Variants in USP16 observed in about 807,000 individuals in gnomAD.
USP16 encodes the protein ubiquitin carboxyl-terminal hydrolase 16.
Under a neutral mutation model 95.9 loss-of-function variants are expected in USP16, and 77 were observed. That is an observed-to-expected ratio of 0.80 (90% CI 0.67 to 0.97). The LOEUF is 0.97. USP16 is among the 50% of genes least tolerant of loss of function. USP16 has a pLI of 0.00. For synonymous variants in USP16, 303 were observed against 318.2 expected (o/e 0.95, Z 0.51); for missense variants, 943 against 959.9 (o/e 0.98, Z 0.23).
chr21:29,024,945 A>G, intron 1 of USP16, 168 bp downstream of exon 1: 1 of 694,904 alleles, frequency 1.4e-6, no homozygotes, highest in Middle Eastern at 6.3e-4. Flanking sequence ...ATGTTCTGTC[A>G]GTTCCAGAAG....
chr21:29,048,807 T>G lies in USP16; in HGVS notation c.2058T>G (p.Ile686Met), dbSNP rs182754050. 2 of 1,613,918 alleles carry G rather than the reference T, an allele frequency of 1.2e-6. No individual in the cohort carries two copies. Among genetic ancestry groups the G allele is most frequent in the East Asian group, 4.5e-5 (2 of 44,832 alleles). ...CCAATGCCAAAAAGCAGATGCTAAT[T>G]TCTCTTGCTCCTCCTGTTCTTACTC... ...VYTNAKKQML[I>M]SLAPPVLTLH... Residue 686 changes from isoleucine (I) to methionine (M), a missense_variant, in exon 15 of 18, where the codon ATT becomes ATG. Transcript: ENST00000399976.
Position 29,039,116 on chromosome 21 carries a change from G to A in USP16, c.823G>A (p.Val275Ile). 6.3e-7 allele frequency: 1 copy of A among 1,583,208 alleles called. No individual in the cohort carries two copies. Among genetic ancestry groups the A allele is most frequent in the East Asian group, 2.3e-5 (1 of 43,292 alleles). ...TGAGATGCAAGAGACCAAAAAGGGG[G>A]TTGTGACACCGAAAGAACTCTTTTC... ...LNEMQETKKG[V>I]VTPKELFSQV... The change falls in exon 8 of 18, where the codon GTT (valine) becomes ATT (isoleucine). Residue 275 changes from valine (V) to isoleucine (I), a missense_variant. Coordinates refer to ENST00000399976, the MANE Select transcript of USP16 (RefSeq NM_006447.3).
chr21:29,046,682 C>A lies in USP16; in HGVS notation c.1372C>A (p.Gln458Lys). The change falls in exon 14 of 18, where the codon CAA becomes AAA. Residue 458 changes from glutamine to lysine, a missense_variant. Transcript: ENST00000399976. Reference protein sequence around the residue: ...KKQAKNQRRQQKIQGKVLHLN... With the variant: ...KKQAKNQRRQKKIQGKVLHLN... ...TTTTACCCAGAACCAACGAAGACAA[C>A]AAAAAATTCAAGGAAAAGTTCTTCA... The A allele has an allele frequency of 6.2e-7, 1 of 1,603,872 alleles. No individual in the cohort carries two copies. Among genetic ancestry groups the A allele is most frequent in the Non-Finnish European group, 8.5e-7 (1 of 1,175,996 alleles).
intron 3 of USP16, 24 bp downstream of exon 3, chr21:29,030,797 T>C: frequency 3.2e-6 from 5 of 1,576,910 alleles, no homozygotes; most frequent in Non-Finnish European, 3.4e-6. Context: ...TTAAGATCAA[T>C]ATGGGATTTT....
intron 6 of USP16, among the ~76,000 whole-genome samples, chr21:29,038,009 C>T (rs1467895739): frequency 6.6e-6 from 1 of 152,180 alleles, no homozygotes. Context: ...GTGGAGGAAA[C>T]ACAGGATAAC....
Position 29,048,232 on chromosome 21 carries a change from G to A in USP16, c.2012-529G>A, listed in dbSNP as rs940306367. ...CAAGTAGCTGGGACTACAGGCACCC[G>A]CCACCACACCTGGCTAATTTTTGTA... On this transcript the variant is annotated intron_variant, in intron 14 of 17. Coordinates refer to ENST00000399976, the MANE Select transcript of USP16 (RefSeq NM_006447.3). 6.6e-5 allele frequency among the ~76,000 whole-genome samples: 10 copies of A among 151,952 alleles called. No homozygotes were observed. The South Asian group carries it at 1.5e-3, about 22-fold the overall frequency.
chr21:29,049,562 G>A (rs2085382440), intron 15 of USP16, among the ~76,000 whole-genome samples: 1 of 152,114 alleles, frequency 6.6e-6, no homozygotes, highest in Non-Finnish European at 1.5e-5. Context: ...CACGAGAAAA[G>A]TTGTTTTTCT....
chr21:29,036,521 C>T, intron 5 of USP16, 147 bp downstream of exon 5: 1 of 761,316 alleles, frequency 1.3e-6, no homozygotes, highest in Non-Finnish European at 2.1e-6. Flanking sequence ...TTTGGTTTAA[C>T]TATAAGGTAT....
intron 13 of USP16, among the ~76,000 whole-genome samples, 183 bp from the exon 14 acceptor site, chr21:29,046,484 G>T (rs2085324811): frequency 6.6e-6 from 1 of 152,056 alleles, no homozygotes; most frequent in Admixed American, 6.6e-5. Context: ...TGATAGCAAA[G>T]GAACTTTTTA....
At position 29,046,771 on chromosome 21, in the gene USP16, T is replaced by A. The variant is rs751795199; in HGVS notation, c.1461T>A (p.Leu487=). The part of the protein sequence containing the change: ...EDSEYEAEMS[L]QGEVNIKSNH... ...GTGAATATGAAGCTGAAATGTCACT[T>A]CAAGGAGAAGTAAATATTAAATCCA... The change falls in exon 14 of 18, where the codon CTT becomes CTA. Residue 487 remains leucine, a synonymous_variant. Coordinates refer to ENST00000399976, the MANE Select transcript of USP16 (RefSeq NM_006447.3). The A allele has an allele frequency of 2.5e-6, 4 of 1,613,980 alleles. No homozygotes were observed. The Admixed American group carries it at 5.0e-5, about 20-fold the overall frequency.
intron 10 of USP16, among the ~76,000 whole-genome samples, chr21:29,041,004 C>T (rs73901169): frequency 0.016 from 2,465 of 152,116 alleles, 71 homozygotes; most frequent in African/African-American, 0.056. Context: ...AATCATGGAG[C>T]CAACTTAGTT....
intron 5 of USP16, among the ~76,000 whole-genome samples, chr21:29,036,645 A>C (rs905025680): frequency 6.6e-6 from 1 of 152,222 alleles, no homozygotes; most frequent in South Asian, 2.1e-4. Flanking sequence ...GGCTTACTAT[A>C]GACCTGCCTT....
rs542884826 is a variant in USP16, at chr21:29,047,900, AAAGT to A, written c.2011+583_2011+586del. On this transcript the variant is annotated intron_variant, in intron 14 of 17. Transcript: ENST00000399976. ...TTTATTTATTTACATATAGAGACAA[AAAGT>A]AAGCCTGTGTGTGTGTGTATGTATC... is the stretch of plus-strand genomic sequence containing the variant. Among the ~76,000 whole-genome samples the A allele has an allele frequency of 3.3e-5, 5 of 152,082 alleles. No individual in the cohort carries two copies. The South Asian group carries it at 1.0e-3, about 32-fold the overall frequency.
chr21:29,046,604 T>G, intron 13 of USP16, 63 bp from the exon 14 acceptor site: 1 of 1,493,214 alleles, frequency 6.7e-7, no homozygotes, highest in Non-Finnish European at 8.9e-7. Context: ...TCTATCTCTC[T>G]TCCTCCTTTT....
intron 2 of USP16, among the ~76,000 whole-genome samples, chr21:29,028,643 C>G (rs1408741324): frequency 6.7e-6 from 1 of 150,174 alleles, no homozygotes; most frequent in Non-Finnish European, 1.5e-5. Context: ...ACCATGTTGA[C>G]CAGGCTGGTC....
At chr21:29,035,345 A>C (rs930531069) in intron 4 of USP16, among the ~76,000 whole-genome samples, 7 of 152,062 alleles carry the variant, frequency 4.6e-5, no homozygotes, top group Admixed American at 1.3e-4. Context: ...ACGTCTTAAA[A>C]ATCATTTTCA....
chr21:29,037,574 G>GA, intron 6 of USP16, 111 bp downstream of exon 6: 27 of 333,608 alleles, frequency 8.1e-5, no homozygotes, highest in Non-Finnish European at 1.1e-4. Context: ...TGTATCCAAA[G>GA]AAAACTTTTT....
Position 29,039,169 on chromosome 21 carries a change from T to C in USP16, c.863+13T>C. ...AGGTCTGTAAAAAGTGAGTATCCAC[T>C]TCGATTGTGCTTTCAGTGCCTCAGT... On this transcript the variant is annotated intron_variant, in intron 8 of 17. Transcript: ENST00000399976. 1 of 1,497,068 alleles carries C rather than the reference T, an allele frequency of 6.7e-7. No individual in the cohort carries two copies. Among genetic ancestry groups the C allele is most frequent in the Non-Finnish European group, 8.9e-7 (1 of 1,120,096 alleles). The allele number at this position is 1,497,068 out of a possible 1,614,324, so 92.7% of individuals were successfully genotyped here. A position where few individuals can be genotyped will look rare whatever the true frequency, so the allele number is the denominator to read the frequency against.
intron 1 of USP16, among the ~76,000 whole-genome samples, chr21:29,026,392 G>T (rs1488072123): frequency 6.7e-6 from 1 of 150,374 alleles, no homozygotes; most frequent in South Asian, 2.1e-4. Flanking sequence ...GGCGGCAGAG[G>T]TTGCAGTGAG....
Sources: allele counts gnomAD v4.1 joint callset (sites outside exome capture counted in the v4.1 genomes callset), GRCh38; gene constraint gnomAD v4.1.1; transcripts MANE v1.5; gene names NCBI Gene and HGNC (gene_info 2026-07-23, HGNC 2026-07-21).